The following CDK2AP1 variants were observed in gnomAD, a reference collection of about 807,000 sequenced individuals.
CDK2AP1 encodes the protein cyclin dependent kinase 2 associated protein 1.
Under a neutral mutation model 14.1 loss-of-function variants are expected in CDK2AP1, and 10 were observed. The ratio of observed to expected loss-of-function variants is 0.71; its 90% confidence interval spans 0.44 to 1.20. CDK2AP1 has a LOEUF of 1.20. Ranked by LOEUF, CDK2AP1 falls within the 50% of genes most tolerant of loss-of-function variation. The pLI is 0.00. For missense variants in CDK2AP1, 102 were observed against 149.9 expected, an observed-to-expected ratio of 0.68 and a Z score of 1.67; for synonymous variants, 59 against 59.8, an observed-to-expected ratio of 0.99 and a Z score of 0.06.
Position 123,265,285 on chromosome 12 carries a change from G to C in CDK2AP1, c.191C>G (p.Ala64Gly), listed in dbSNP as rs749233799. Residue 64 changes from alanine (A) to glycine (G), a missense_variant, in exon 3 of 4, where the codon GCG (alanine) becomes GGG (glycine). Ala to Gly is a moderately conservative substitution (Grantham distance 60). This residue lies in a region of CDK2AP1 where 52 missense variants were observed against 107.2 expected (regional missense o/e 0.48). Coordinates refer to ENST00000261692, the MANE Select transcript of CDK2AP1 (RefSeq NM_004642.4). This position sits in a 1 kb window ranked among gnomAD's most constrained non-coding sequence, Gnocchi z 5.3. ...GNSQVPQSKY[A>G]ELLAIIEELG... ...CTCTTCAATGATGGCCAGCAGCTCC[G>C]CGTATTTGCTTTGGGGCACCTGGCT... 2.5e-6 allele frequency: 4 copies of C among 1,614,074 alleles called. No homozygotes were observed. The South Asian group carries it at 4.4e-5, about 18-fold the overall frequency.
intron 1 of CDK2AP1, chr12:123,270,780 C>T: frequency 1.0e-6 from 1 of 959,644 alleles, no homozygotes; most frequent in Non-Finnish European, 1.2e-6. Context: ...CAGGGCCAGC[C>T]CTTGGGGGCT....
intron 2 of CDK2AP1, among the ~76,000 whole-genome samples, chr12:123,266,235 C>A (rs569014579): frequency 1.5e-3 from 236 of 152,360 alleles, no homozygotes; most frequent in African/African-American, 5.4e-3. Flanking sequence ...TGCCTCCCCA[C>A]GGCACTGCCT....
intron 3 of CDK2AP1, among the ~76,000 whole-genome samples, chr12:123,264,351 T>G (rs1489260470): frequency 1.3e-5 from 2 of 149,750 alleles, no homozygotes; most frequent in Non-Finnish European, 1.5e-5. Flanking sequence ...TCCCAGCTAC[T>G]TGGGAGGCTG....
At chr12:123,271,532 C>A (rs2048353578) in intron 1 of CDK2AP1, 32 bp downstream of exon 1, 2 of 993,952 alleles carry the variant, frequency 2.0e-6, no homozygotes, top group South Asian at 9.0e-5. Context: ...AACTTGGCGG[C>A]GCTTGGGGCG....
At chr12:123,269,789 A>G (rs934368235) in intron 1 of CDK2AP1, among the ~76,000 whole-genome samples, 11 of 152,048 alleles carry the variant, frequency 7.2e-5, no homozygotes, top group African/African-American at 2.4e-4. Flanking sequence ...GGCGTGAGGG[A>G]TGATGACAAG....
At position 123,267,296 on chromosome 12, in the gene CDK2AP1, A is replaced by G; in HGVS notation, c.56-14T>C. The G allele has an allele frequency of 3.3e-5, 51 of 1,558,312 alleles. No homozygotes were observed. Among genetic ancestry groups the G allele is most frequent in the Non-Finnish European group, 4.5e-5 (51 of 1,129,694 alleles). Reference sequence around the variant, plus strand: ...GGACACTCCCAGCTGTGGGGTGGGGAGAGAGAGGCCAGGAGTCAGCTCAGC... The same window carrying G: ...GGACACTCCCAGCTGTGGGGTGGGGGGAGAGAGGCCAGGAGTCAGCTCAGC... On this transcript the variant is annotated splice_polypyrimidine_tract_variant and intron_variant, in intron 1 of 3. Transcript: ENST00000261692.
Position 123,263,929 on chromosome 12 carries a change from G to A in CDK2AP1, c.280+1267C>T, listed in dbSNP as rs193270937. Among the ~76,000 whole-genome samples, 14 of 151,688 alleles carry A rather than the reference G, an allele frequency of 9.2e-5. No individual in the cohort carries two copies. The East Asian group carries it at 1.2e-3, about 13-fold the overall frequency. On this transcript the variant is annotated intron_variant, in intron 3 of 3. Transcript: ENST00000261692. ...AACCATCCTGGCCAACCAACATGGC[G>A]AAACCTGGTCTCTACTAAAAATACA...
Position 123,271,625 on chromosome 12 carries a change from G to C in CDK2AP1, c.-7C>G. On this transcript the variant is annotated 5_prime_UTR_variant, in exon 1 of 4. Transcript: ENST00000261692. ...AGTTCGGTTTGTAAGACATCCCCCC[G>C]GGCGGCGGGCGCGCCGGGCGCGGCG... The C allele has an allele frequency of 1.0e-6, 1 of 988,008 alleles. No homozygotes were observed. Among genetic ancestry groups the C allele is most frequent in the Non-Finnish European group, 1.2e-6 (1 of 832,524 alleles). 61.2% of individuals were successfully genotyped at this position (988,008 alleles called of 1,614,324 possible).
rs549300514 is a variant in CDK2AP1, at chr12:123,265,449, G to C, written c.154-127C>G. On this transcript the variant is annotated intron_variant, in intron 2 of 3. Transcript: ENST00000261692. This position sits in a 1 kb window ranked among gnomAD's most constrained non-coding sequence, Gnocchi z 5.3. ...ACCCAGGAGGTGGAAGTTGCAGTGA[G>C]CCAAGATCACTCCACTGCACTCCAG... 332 of 820,750 alleles carry C rather than the reference G, an allele frequency of 4.0e-4. No individual in the cohort carries two copies. The African/African-American group carries it at 5.1e-3, about 13-fold the overall frequency. 50.8% of individuals were successfully genotyped at this position (820,750 alleles called of 1,614,324 possible). A position where few individuals can be genotyped will look rare whatever the true frequency, so the allele number is the denominator to read the frequency against.
intron 1 of CDK2AP1, among the ~76,000 whole-genome samples, chr12:123,268,725 C>T (rs565135411): frequency 4.9e-4 from 74 of 152,294 alleles, no homozygotes; most frequent in Admixed American, 3.1e-3. Flanking sequence ...GCTATAGGGG[C>T]GGGTTGCTTG....
Position 123,261,589 on chromosome 12 carries a change from G to A in CDK2AP1, c.*147C>T, listed in dbSNP as rs1593293143. The A allele has an allele frequency of 6.6e-6, 4 of 606,722 alleles. No homozygotes were observed. In the Admixed American group the frequency reaches 8.6e-5, roughly 13 times the overall value. The allele number at this position is 606,722 out of a possible 1,614,324, so 37.6% of individuals were successfully genotyped here. ...TGCAAAATCTTTTCTCAATCTTTGA[G>A]ACTGTAGGTTCAGAGCCAAGTGAAC... On this transcript the variant is annotated 3_prime_UTR_variant, in exon 4 of 4. Coordinates refer to ENST00000261692, the MANE Select transcript of CDK2AP1 (RefSeq NM_004642.4).
rs751567272 is a variant in CDK2AP1 at position 123,267,192 on chromosome 12, T to A, written c.146A>T (p.Tyr49Phe). ...TCACCCCCATTGACATACCTGGGTG[T>A]AGCCTAGGGACGGTGGCCCGTAGTC... ...LSDYGPPSLGYTQGTGNSQVP... is the reference protein window; with the variant it reads ...LSDYGPPSLGFTQGTGNSQVP... The change falls in exon 2 of 4, where the codon TAC becomes TTC. Residue 49 changes from tyrosine (Y) to phenylalanine (F), a missense_variant. Tyr to Phe is a conservative substitution (Grantham distance 22, BLOSUM62 3). This residue lies in a region of CDK2AP1 where 52 missense variants were observed against 107.2 expected (regional missense o/e 0.48). Coordinates refer to ENST00000261692, the MANE Select transcript of CDK2AP1 (RefSeq NM_004642.4). The A allele has an allele frequency of 6.3e-7, 1 of 1,596,480 alleles. No individual in the cohort carries two copies. Among genetic ancestry groups the A allele is most frequent in the Non-Finnish European group, 8.6e-7 (1 of 1,164,094 alleles).
intron 1 of CDK2AP1, among the ~76,000 whole-genome samples, chr12:123,268,899 G>A (rs182631529): frequency 5.4e-4 from 82 of 152,284 alleles, no homozygotes; most frequent in African/African-American, 1.7e-3. Context: ...AGGCTCTGCC[G>A]GCACAGACCT....
intron 1 of CDK2AP1, chr12:123,270,828 C>G (rs1034009546): frequency 1.3e-5 from 13 of 985,456 alleles, no homozygotes; most frequent in Non-Finnish European, 1.6e-5. Context: ...TGCCCCCACG[C>G]CCGCGCGCGG....
intron 3 of CDK2AP1, among the ~76,000 whole-genome samples, chr12:123,264,119 AAAAG>A (rs66673738): frequency 0.16 from 24,138 of 148,144 alleles, 2,188 homozygotes; most frequent in Middle Eastern, 0.28. Context: ...AAAAAAAAAA[AAAAG>A]AATGTTCCTC....
chr12:123,267,139 G>A, intron 2 of CDK2AP1, 46 bp downstream of exon 2: 1 of 1,075,386 alleles, frequency 9.3e-7, no homozygotes, highest in Non-Finnish European at 1.5e-6. Context: ...TGGGAAGCAT[G>A]TCTCCCCCTG....
In CDK2AP1 at chr12:123,262,795, C is replaced by T. The variant is rs1289656626; in HGVS notation, c.281-992G>A. Among the ~76,000 whole-genome samples, 19 of 152,152 alleles carry T rather than the reference C, an allele frequency of 1.2e-4. 1 individual carries two copies. Among genetic ancestry groups the T allele is most frequent in the Admixed American group, 1.2e-3 (19 of 15,282 alleles). ...TTCACTATGTTGCTCCTGGCTTTAG[C>T]CTCCCAAACTGCTGGATTACAGGCA... is the stretch of plus-strand genomic sequence containing the variant. On this transcript the variant is annotated intron_variant, in intron 3 of 3. Coordinates refer to ENST00000261692, the MANE Select transcript of CDK2AP1 (RefSeq NM_004642.4).
intron 1 of CDK2AP1, among the ~76,000 whole-genome samples, chr12:123,269,816 C>T (rs1400629779): frequency 6.6e-6 from 1 of 151,622 alleles, no homozygotes; most frequent in African/African-American, 2.4e-5. Flanking sequence ...GGAGGAGCAG[C>T]GGCGGCAGCG....
At chr12:123,261,900 G>T in intron 3 of CDK2AP1, 97 bp from the exon 4 acceptor site, 1 of 848,364 alleles carries the variant, frequency 1.2e-6, no homozygotes, top group Non-Finnish European at 2.0e-6. Flanking sequence ...TCCACAGCCT[G>T]TCCACAAAAC....
Sources: gnomAD v4.1 joint callset for allele counts (sites outside exome capture counted in the v4.1 genomes callset) on GRCh38, gnomAD v4.1.1 for gene constraint, gnomAD v4.1.1 regional missense constraint, Gnocchi (gnomAD v3.1) non-coding constraint, MANE v1.5 for transcripts, NCBI Gene and HGNC (gene_info 2026-07-23, HGNC 2026-07-21) for gene names.